CDH23: variants seen among roughly 807,000 people sequenced by gnomAD.
The protein encoded by CDH23 is cadherin-23.
Under a neutral mutation model 317.1 loss-of-function variants are expected in CDH23, and 189 were observed. The ratio of observed to expected loss-of-function variants is 0.60; its 90% CI spans 0.53 to 0.67. CDH23 has a LOEUF of 0.67. Among genes scored for constraint, CDH23 ranks in the 30% least tolerant of loss-of-function variants. CDH23 has a pLI of 0.00. For synonymous variants in CDH23, 1,839 were observed against 1,876.8 expected (o/e 0.98, Z 0.52); for missense variants, 4,401 against 4,592.4 (o/e 0.96, Z 1.20).
At chr10:71,734,835 C>A (rs1839510090) in intron 34 of CDH23, among the ~76,000 whole-genome samples, 177 bp downstream of exon 34, 1 of 152,236 alleles carries the variant, frequency 6.6e-6, no homozygotes, top group Admixed American at 6.5e-5. Context: ...CCCTCTGGGG[C>A]ATGTCCCCTG....
At chr10:71,460,665 C>T (rs764938217) in intron 3 of CDH23, among the ~76,000 whole-genome samples, 1 of 152,216 alleles carries the variant, frequency 6.6e-6, no homozygotes, top group Non-Finnish European at 1.5e-5. Flanking sequence ...GCCCAGACAC[C>T]CTGCTCGCCC....
At chr10:71,587,811 C>T (rs10823794) in intron 9 of CDH23, among the ~76,000 whole-genome samples, 13,492 of 152,280 alleles carry the variant, frequency 0.089, 763 homozygotes, top group East Asian at 0.23. Context: ...CAAGGCAGCC[C>T]CCAGCCGGGG....
At chr10:71,760,774 G>A (rs1589404856) in intron 38 of CDH23, 10 of 1,193,752 alleles carry the variant, frequency 8.4e-6, no homozygotes, top group African/African-American at 3.0e-5. Flanking sequence ...GAGGGCTTGG[G>A]GTGATGAGGC....
At chr10:71,685,570 GC>G (rs1251690931) in intron 18 of CDH23, among the ~76,000 whole-genome samples, 3 of 152,360 alleles carry the variant, frequency 2.0e-5, no homozygotes, top group African/African-American at 7.2e-5. Context: ...CACTTGGGAA[GC>G]CAGGGTGTGC....
At chr10:71,774,852 C>T (rs1391110744) in intron 38 of CDH23, among the ~76,000 whole-genome samples, 1 of 152,214 alleles carries the variant, frequency 6.6e-6, no homozygotes, top group African/African-American at 2.4e-5. Context: ...GGTATCAGGA[C>T]TCAATGGGAG....
At chr10:71,674,982 T>C in intron 14 of CDH23, 130 bp from the exon 15 acceptor site, 1 of 783,210 alleles carries the variant, frequency 1.3e-6, no homozygotes, top group Non-Finnish European at 2.2e-6. Context: ...TCACCAGGCC[T>C]CACTGGGGTC....
At chr10:71,705,268 TGCCCTCC>T (rs1729072813) in intron 25 of CDH23, 138 bp downstream of exon 25, 1 of 774,842 alleles carries the variant, frequency 1.3e-6, no homozygotes, top group Non-Finnish European at 2.0e-6. Context: ...GTTAATGAGG[TGCCCTCC>T]CCAGCTGGAG....
chr10:71,602,347 C>A (rs1860278558), intron 9 of CDH23, among the ~76,000 whole-genome samples: 1 of 152,178 alleles, frequency 6.6e-6, no homozygotes, highest in African/African-American at 2.4e-5. Flanking sequence ...GTTCTCCCAG[C>A]AGCCCCAGGA....
chr10:71,679,399 G>A lies in CDH23; in HGVS notation c.1765G>A (p.Asp589Asn), dbSNP rs1158510746. 1 of 1,610,058 alleles carries A rather than the reference G, an allele frequency of 6.2e-7. No individual in the cohort carries two copies. The highest frequency in any genetic ancestry group is 2.2e-5 in the East Asian group (1 of 44,764). Residue 589 changes from aspartate to asparagine, a missense_variant, in exon 17 of 70, where the codon GAC becomes AAC. By Grantham distance (23) the Asp-to-Asn change is conservative (BLOSUM62 1). Around this residue, in one of 3 missense-constraint regions of CDH23, gnomAD observed 3,068 missense variants for 3,203.3 expected, o/e 0.96. Coordinates refer to ENST00000224721, the MANE Select transcript of CDH23 (RefSeq NM_022124.6). ...QLVRLRATDEDSPPNNQITYS... is the reference protein window; with the variant it reads ...QLVRLRATDENSPPNNQITYS... ...CTCTTCCTTTCAGGCAACAGATGAAGACTCCCCTCCCAACAACCAGATCAC... is the reference window on the plus strand; with the variant it reads ...CTCTTCCTTTCAGGCAACAGATGAAAACTCCCCTCCCAACAACCAGATCAC...
chr10:71,518,009 GAC>G (rs1390318806), intron 6 of CDH23, among the ~76,000 whole-genome samples: 1 of 152,198 alleles, frequency 6.6e-6, no homozygotes, highest in East Asian at 1.9e-4. Context: ...GTGGTGAAGC[GAC>G]ATATGCTTGT....
At chr10:71,482,450 A>G (rs976674704) in intron 3 of CDH23, among the ~76,000 whole-genome samples, 1 of 152,188 alleles carries the variant, frequency 6.6e-6, no homozygotes, top group Admixed American at 6.5e-5. Flanking sequence ...GACTGCTTTA[A>G]AGTTGATGCC....
intron 40 of CDH23, among the ~76,000 whole-genome samples, chr10:71,778,592 C>G (rs1840873364): frequency 6.6e-6 from 1 of 152,178 alleles, no homozygotes; most frequent in Admixed American, 6.5e-5. Context: ...CTTGCTCTTC[C>G]ACTTTCTAGC....
intron 1 of CDH23, among the ~76,000 whole-genome samples, chr10:71,402,706 AGTGT>A (rs61127679): frequency 0.21 from 31,308 of 148,682 alleles, 3,295 homozygotes; most frequent in East Asian, 0.27. Context: ...ATTCTTCCTG[AGTGT>A]GTGTGTGTGT....
At chr10:71,608,120 GT>G (rs2132494414) in intron 9 of CDH23, among the ~76,000 whole-genome samples, 1 of 152,322 alleles carries the variant, frequency 6.6e-6, no homozygotes, top group East Asian at 1.9e-4. Flanking sequence ...CTCACAACTG[GT>G]AAGTGATGGA....
chr10:71,684,639 G>T (rs1864800016), intron 18 of CDH23, among the ~76,000 whole-genome samples: 1 of 152,222 alleles, frequency 6.6e-6, no homozygotes, highest in Admixed American at 6.5e-5. Flanking sequence ...GGATTGTGCA[G>T]GTGGCACCTG....
At chr10:71,538,633 G>A (rs74839534) in intron 6 of CDH23, among the ~76,000 whole-genome samples, 4,335 of 152,214 alleles carry the variant, frequency 0.028, 210 homozygotes, top group African/African-American at 0.099. Flanking sequence ...ATGCTGAGGC[G>A]AATATACTCC....
At chr10:71,660,682 C>T (rs149535876) in intron 14 of CDH23, among the ~76,000 whole-genome samples, 1 of 150,676 alleles carries the variant, frequency 6.6e-6, no homozygotes, top group Non-Finnish European at 1.5e-5. Flanking sequence ...AGCCAGGTAG[C>T]ATTGTGTCCA....
intron 14 of CDH23, among the ~76,000 whole-genome samples, chr10:71,670,387 G>A (rs1864096406): frequency 6.6e-6 from 1 of 152,212 alleles, no homozygotes; most frequent in Non-Finnish European, 1.5e-5. Context: ...GCAAAAATGA[G>A]TTAGACAAAC....
intron 9 of CDH23, among the ~76,000 whole-genome samples, chr10:71,601,452 G>A (rs1430809529): frequency 6.6e-6 from 1 of 152,214 alleles, no homozygotes; most frequent in Non-Finnish European, 1.5e-5. Context: ...AGAAACGCAA[G>A]CCCAGAGAGG....
Sources: allele counts gnomAD v4.1 joint callset (sites outside exome capture counted in the v4.1 genomes callset), GRCh38; gene constraint gnomAD v4.1.1; regional missense constraint gnomAD v4.1.1; transcripts MANE v1.5; gene names NCBI Gene and HGNC (gene_info 2026-07-23, HGNC 2026-07-21).